NRDC: variants seen among roughly 807,000 people sequenced by gnomAD.
NRDC encodes nardilysin.
In NRDC, 54 loss-of-function variants were observed where a neutral mutation model predicts 147.1. That is an observed-to-expected ratio of 0.37 (90% confidence interval 0.29 to 0.46). The LOEUF (loss-of-function observed/expected upper bound fraction) is 0.46, where lower values mean the gene tolerates loss of function less well. NRDC is among the 20% of genes least tolerant of loss of function. The pLI, the probability that NRDC is intolerant of heterozygous loss-of-function variation, is 1.00. For missense variants in NRDC, 1,082 were observed against 1,370.6 expected, an observed-to-expected ratio of 0.79 and a Z score of 3.33; for synonymous variants, 440 against 482.1, an observed-to-expected ratio of 0.91 and a Z score of 1.14.
intron 3 of NRDC, among the ~76,000 whole-genome samples, chr1:51,834,491 T>C (rs1571881542): frequency 6.6e-6 from 1 of 152,032 alleles, no homozygotes; most frequent in Non-Finnish European, 1.5e-5. Flanking sequence ...ATTTTTTGTA[T>C]TTTTAGTAGA....
intron 2 of NRDC, chr1:51,837,334 AGT>A (rs1681036806): frequency 6.6e-6 from 4 of 609,964 alleles, no homozygotes; most frequent in Admixed American, 7.1e-5. Context: ...TCAGAAAATG[AGT>A]GTGTTTTCAG....
rs376314269 is a variant in NRDC, at chr1:51,837,622, T to C, written c.631-1410A>G. On this transcript the variant is annotated intron_variant, in intron 2 of 30. Transcript: ENST00000352171. ...CAGCAAAAACAGGCTCTGCAATTGC[T>C]AGAAAAGAAATTCATACTTGAGAAT... 36 of 1,497,630 alleles carry C rather than the reference T, an allele frequency of 2.4e-5. No individual in the cohort carries two copies. In the East Asian group the frequency reaches 4.0e-4, roughly 17 times the overall value. The allele number at this position is 1,497,630 out of a possible 1,614,324, so 92.8% of individuals were successfully genotyped here.
chr1:51,803,743 C>G, intron 20 of NRDC, 71 bp downstream of exon 20: 7 of 1,233,880 alleles, frequency 5.7e-6, no homozygotes, highest in Non-Finnish European at 8.1e-6. Context: ...TACAGCATCC[C>G]ATGCACAAAC....
intron 13 of NRDC, 64 bp downstream of exon 13, chr1:51,814,487 G>A (rs1679869619): frequency 1.3e-6 from 2 of 1,493,858 alleles, no homozygotes; most frequent in Non-Finnish European, 9.2e-7. Flanking sequence ...ATGTCTACCG[G>A]CAGCCTGAAG....
intron 4 of NRDC, among the ~76,000 whole-genome samples, chr1:51,832,042 CT>C (rs1162167908): frequency 6.6e-6 from 1 of 151,732 alleles, no homozygotes; most frequent in Non-Finnish European, 1.5e-5. Flanking sequence ...TTTATTTTAT[CT>C]TTTTTATTTT....
intron 10 of NRDC, among the ~76,000 whole-genome samples, chr1:51,817,426 G>T (rs1680022443): frequency 6.6e-6 from 1 of 151,864 alleles, no homozygotes; most frequent in Admixed American, 6.6e-5. Flanking sequence ...ATGCTACACT[G>T]CTCATATAAG....
At chr1:51,876,496 GA>G (rs1683335522) in intron 1 of NRDC, among the ~76,000 whole-genome samples, 1 of 152,154 alleles carries the variant, frequency 6.6e-6, no homozygotes, top group African/African-American at 2.4e-5. Flanking sequence ...TTGTGTACAT[GA>G]ACCAACCATC....
At position 51,861,330 on chromosome 1, in the gene NRDC, C is replaced by CTTTT. The variant is rs34875207; in HGVS notation, c.341+16944_341+16945insAAAA. On this transcript the variant is annotated intron_variant, in intron 1 of 30. Transcript: ENST00000352171. ...CACAGAGATAATCAAATCTCTTCTT[C>CTTTT]TTCTTTTTTTTTTTTTTGAGACAAA... Among the ~76,000 whole-genome samples, 64 of 98,318 alleles carry CTTTT rather than the reference C, an allele frequency of 6.5e-4. 1 individual carries two copies. Among genetic ancestry groups the CTTTT allele is most frequent in the African/African-American group, 2.2e-3 (57 of 26,304 alleles). 64.5% of individuals were successfully genotyped at this position (98,318 alleles called of 152,430 possible).
At chr1:51,846,422 A>AT (rs1320471207) in intron 1 of NRDC, among the ~76,000 whole-genome samples, 13 of 152,196 alleles carry the variant, frequency 8.5e-5, no homozygotes, top group Non-Finnish European at 1.5e-4. Flanking sequence ...CCGACACTTT[A>AT]TAATTCTTAA....
At chr1:51,852,153 C>G (rs547593164) in intron 1 of NRDC, among the ~76,000 whole-genome samples, 1 of 152,228 alleles carries the variant, frequency 6.6e-6, no homozygotes, top group South Asian at 2.1e-4. Context: ...AAATTTTCCT[C>G]TCTTTAAGCT....
In NRDC at chr1:51,814,601, G is replaced by A. The variant is rs370331888; in HGVS notation, c.1569C>T (p.Tyr523=). 4 of 1,613,200 alleles carry A rather than the reference G, an allele frequency of 2.5e-6. No individual in the cohort carries two copies. Among genetic ancestry groups the A allele is most frequent in the Non-Finnish European group, 8.5e-7 (1 of 1,179,280 alleles). ...GCATTTTTAAATACTGAAAGACAGT[G>A]TAAGCAACCTGAAAACAAAACATCC... is the stretch of plus-strand genomic sequence containing the variant. ...EGYEHFYEVA[Y]TVFQYLKMLQ... is the part of the protein sequence containing the mutation. Residue 523 remains tyrosine (Y), a synonymous_variant, in exon 13 of 31, where the codon TAC becomes TAT. Transcript: ENST00000352171.
chr1:51,821,533 C>T lies in NRDC; in HGVS notation c.1182G>A (p.Lys394=), dbSNP rs1476946402. 1.2e-6 allele frequency: 2 copies of T among 1,609,350 alleles called. No homozygotes were observed. Among genetic ancestry groups the T allele is most frequent in the East Asian group, 2.2e-5 (1 of 44,834 alleles). ...QSKETLDTLE[K]WVTEIFSQIP... is the part of the protein sequence containing the mutation. ...TCTGAGAGAAGATTTCAGTCACCCA[C>T]TTTTCCAAAGTATCCAGTGTTTCTT... Residue 394 remains lysine, a synonymous_variant, in exon 8 of 31, where the codon AAG becomes AAA. Transcript: ENST00000352171.
chr1:51,846,152 C>G lies in NRDC; in HGVS notation c.342-5638G>C, dbSNP rs574941008. Among the ~76,000 whole-genome samples the G allele has an allele frequency of 2.6e-5, 4 of 152,034 alleles. No homozygotes were observed. The South Asian group carries it at 8.3e-4, about 32-fold the overall frequency. On this transcript the variant is annotated intron_variant, in intron 1 of 30. Coordinates refer to ENST00000352171, the MANE Select transcript of NRDC (RefSeq NM_001101662.2). ...TTTGAGACCAAGCCTCACTCTGACG[C>G]CCAGGTTGGAGTGCAGTGGTGCCGT...
At chr1:51,799,874 G>T (rs559022399) in intron 21 of NRDC, among the ~76,000 whole-genome samples, 1 of 152,278 alleles carries the variant, frequency 6.6e-6, no homozygotes, top group Non-Finnish European at 1.5e-5. Context: ...CTGAATTCTG[G>T]ATAGTTAAGA....
At chr1:51,824,509 C>T (rs1680357611) in intron 6 of NRDC, among the ~76,000 whole-genome samples, 1 of 152,120 alleles carries the variant, frequency 6.6e-6, no homozygotes, top group South Asian at 2.1e-4. Context: ...GGAAACAAAA[C>T]ACCCTTTAAA....
At chr1:51,789,547 G>C (rs375834275) in intron 30 of NRDC, 21 bp downstream of exon 30, 5 of 1,601,518 alleles carry the variant, frequency 3.1e-6, no homozygotes, top group Non-Finnish European at 4.3e-6. Flanking sequence ...AGAATGGATG[G>C]AGTTAGTTAA....
At chr1:51,789,839 A>C (rs1488628622) in intron 29 of NRDC, 182 bp from the exon 30 acceptor site, 1 of 595,790 alleles carries the variant, frequency 1.7e-6, no homozygotes, top group Non-Finnish European at 3.0e-6. Flanking sequence ...GCATGCCTTC[A>C]CATTTTATAC....
chr1:51,842,663 A>G (rs1032728689), intron 1 of NRDC, among the ~76,000 whole-genome samples: 4 of 152,276 alleles, frequency 2.6e-5, no homozygotes, highest in Non-Finnish European at 5.9e-5. Context: ...AAAAAATACT[A>G]TATGAGTACC....
In NRDC at chr1:51,863,761, A is replaced by C. The variant is rs1682667566; in HGVS notation, c.341+14514T>G. On this transcript the variant is annotated intron_variant, in intron 1 of 30. Coordinates refer to ENST00000352171, the MANE Select transcript of NRDC (RefSeq NM_001101662.2). ...CTATTTAATCTATAATAATGTTAAAAGGAAAAAATATGAGAAGAATCTAAT... is the reference window on the plus strand; with the variant it reads ...CTATTTAATCTATAATAATGTTAAACGGAAAAAATATGAGAAGAATCTAAT... Among the ~76,000 whole-genome samples the C allele has an allele frequency of 2.0e-5, 3 of 152,356 alleles. No individual in the cohort carries two copies. The South Asian group carries it at 6.2e-4, about 32-fold the overall frequency.
Sources: gnomAD v4.1 joint callset for allele counts (sites outside exome capture counted in the v4.1 genomes callset) on GRCh38, gnomAD v4.1.1 for gene constraint, MANE v1.5 for transcripts, NCBI Gene and HGNC (gene_info 2026-07-23, HGNC 2026-07-21) for gene names.